The following CHD1L variants were observed in gnomAD, a reference collection of about 807,000 sequenced individuals.
CHD1L encodes chromodomain helicase DNA binding protein 1 like.
A neutral mutation model predicts 115.9 loss-of-function variants in CHD1L; 118 were observed. The observed-to-expected ratio is 1.02, with a 90% CI of 0.88 to 1.19. The LOEUF is 1.19. CHD1L is among the 50% of genes most tolerant of loss of function. The pLI is 0.00. For missense variants in CHD1L, 1,179 were observed against 1,065.3 expected, an observed-to-expected ratio of 1.11 and a Z score of -1.49; for synonymous variants, 411 against 387.1, an observed-to-expected ratio of 1.06 and a Z score of -0.72.
At chr1:147,261,401 C>CTTTTT (rs201084245) in intron 6 of CHD1L, among the ~76,000 whole-genome samples, 1,375 of 129,020 alleles carry the variant, frequency 0.011, 14 homozygotes, top group East Asian at 0.042. Flanking sequence ...CTGCATGACA[C>CTTTTT]TTTTTTTTTT....
chr1:147,287,124 G>C (rs1437069109), intron 18 of CHD1L, among the ~76,000 whole-genome samples: 1 of 152,174 alleles, frequency 6.6e-6, no homozygotes, highest in Non-Finnish European at 1.5e-5. Flanking sequence ...GTTCGCTGCT[G>C]TGACTGTGGT....
At chr1:147,233,327 TG>T in the CHD1L span, among the ~76,000 whole-genome samples, 1 of 132,718 alleles carries the variant, frequency 7.5e-6, no homozygotes, top group African/African-American at 3.0e-5. Flanking sequence ...AGGAGGGAGG[TG>T]GGGATCAGCC....
At chr1:147,262,290 A>G (rs1672241265) in intron 6 of CHD1L, among the ~76,000 whole-genome samples, 1 of 152,182 alleles carries the variant, frequency 6.6e-6, no homozygotes, top group African/African-American at 2.4e-5. Flanking sequence ...TGCATTTGCA[A>G]AAGGTAAGGC....
chr1:147,232,500 C>G, the CHD1L span, among the ~76,000 whole-genome samples: 7 of 151,910 alleles, frequency 4.6e-5, no homozygotes, highest in Non-Finnish European at 1.0e-4. Flanking sequence ...TCTCCCTCTC[C>G]CCATGGTCTC....
intron 1 of CHD1L, among the ~76,000 whole-genome samples, chr1:147,249,404 A>ATTTTTTTTTTTTTTT: frequency 1.1e-5 from 1 of 94,170 alleles, no homozygotes; most frequent in Non-Finnish European, 1.9e-5. Context: ...CTTGGTGTGT[A>ATTTTTTTTTTTTTTT]TTTTTTTTTT....
intron 1 of CHD1L, among the ~76,000 whole-genome samples, chr1:147,251,067 C>G (rs1418664762): frequency 6.6e-6 from 1 of 152,180 alleles, no homozygotes; most frequent in Non-Finnish European, 1.5e-5. Flanking sequence ...TGTGAGGCCT[C>G]TCCATCCATG....
Position 147,284,377 on chromosome 1 carries a change from A to G in CHD1L, c.1732A>G (p.Lys578Glu). The change falls in exon 16 of 23, where the codon AAA becomes GAA. Residue 578 changes from lysine to glutamate, a missense_variant. By Grantham distance (56) the Lys-to-Glu change is moderately conservative. Transcript: ENST00000369258. Reference protein sequence around the residue: ...GKNHMYLFEGKDYSKEPSKED... With the variant: ...GKNHMYLFEGEDYSKEPSKED... ...AAATCATATGTACTTATTTGAAGGT[A>G]AAGATTATTCTAAAGAGCCCAGTAA... 6.3e-7 allele frequency: 1 copy of G among 1,587,890 alleles called. No homozygotes were observed. The highest frequency in any genetic ancestry group is 8.6e-7 in the Non-Finnish European group (1 of 1,167,000).
At chr1:147,274,308 G>GTT (rs1435282283) in intron 12 of CHD1L, among the ~76,000 whole-genome samples, 39 of 152,284 alleles carry the variant, frequency 2.6e-4, no homozygotes, top group South Asian at 6.2e-4. Flanking sequence ...TAAGCACAGC[G>GTT]TAAGTGTCAT....
chr1:147,258,839 G>A (rs900031857), intron 5 of CHD1L: 1 of 152,092 alleles, frequency 6.6e-6, no homozygotes, highest in Admixed American at 6.5e-5. Flanking sequence ...TGAAAATAAT[G>A]TAATGGGATT....
At chr1:147,266,642 TG>T (rs2102582706) in intron 8 of CHD1L, among the ~76,000 whole-genome samples, 1 of 152,354 alleles carries the variant, frequency 6.6e-6, no homozygotes, top group Non-Finnish European at 1.5e-5. Flanking sequence ...ACAGTGCTTT[TG>T]TTCAACTGAT....
At chr1:147,242,621 G>A, upstream of CHD1L, 2 of 1,215,896 alleles carry the variant, frequency 1.6e-6, no homozygotes, top group Non-Finnish European at 2.1e-6. Flanking sequence ...GGGCCCCAGC[G>A]CGCAGTCGCG....
intron 14 of CHD1L, among the ~76,000 whole-genome samples, chr1:147,276,511 C>G (rs1678542229): frequency 6.6e-6 from 1 of 152,048 alleles, no homozygotes; most frequent in African/African-American, 2.4e-5. Context: ...TTTTGCATTT[C>G]TAAAAATAAA....
upstream of CHD1L, chr1:147,242,495 G>A (rs1665012276): frequency 2.3e-6 from 1 of 431,646 alleles, no homozygotes; most frequent in East Asian, 3.8e-5. Flanking sequence ...GTGAGAACTG[G>A]GCAGCCCTTC....
the CHD1L span, chr1:147,210,933 G>C: frequency 6.6e-6 from 1 of 151,980 alleles, no homozygotes; most frequent in Non-Finnish European, 1.5e-5. Flanking sequence ...GCATCTACAA[G>C]AATTATACGA....
At chr1:147,266,763 C>G (rs1356485283) in intron 8 of CHD1L, among the ~76,000 whole-genome samples, 1 of 152,078 alleles carries the variant, frequency 6.6e-6, no homozygotes, top group Non-Finnish European at 1.5e-5. Context: ...GGTTAAAGTT[C>G]TCAATAAAAA....
At chr1:147,232,379 G>C in the CHD1L span, among the ~76,000 whole-genome samples, 1 of 152,072 alleles carries the variant, frequency 6.6e-6, no homozygotes, top group Non-Finnish European at 1.5e-5. Flanking sequence ...GTGTAGACTT[G>C]CTGGATCCTT....
chr1:147,277,417 G>A (rs1249831328), intron 14 of CHD1L, among the ~76,000 whole-genome samples: 2 of 152,292 alleles, frequency 1.3e-5, no homozygotes, highest in East Asian at 1.9e-4. Flanking sequence ...AAAGGCCAGT[G>A]CATATCTTTA....
chr1:147,191,592 T>C, the CHD1L span, among the ~76,000 whole-genome samples: 2 of 152,020 alleles, frequency 1.3e-5, no homozygotes, highest in Non-Finnish European at 2.9e-5. Flanking sequence ...TAGCCCTTTG[T>C]CAGATGAGTA....
chr1:147,244,331 T>A (rs1401998460), intron 1 of CHD1L, among the ~76,000 whole-genome samples: 1 of 152,110 alleles, frequency 6.6e-6, no homozygotes, highest in African/African-American at 2.4e-5. Context: ...ATGTGGCAAC[T>A]TGGATAAATT....
Sources: allele counts gnomAD v4.1 joint callset (sites outside exome capture counted in the v4.1 genomes callset), GRCh38; gene constraint gnomAD v4.1.1; transcripts MANE v1.5; gene names NCBI Gene and HGNC (gene_info 2026-07-23, HGNC 2026-07-21).